Variants in KCTD16 observed in about 807,000 individuals in gnomAD.
KCTD16 encodes the protein BTB/POZ domain-containing protein KCTD16.
Under a neutral mutation model 33.2 loss-of-function variants are expected in KCTD16, and 13 were observed. That is an observed-to-expected ratio of 0.39 (90% CI 0.25 to 0.62). The LOEUF (loss-of-function observed/expected upper bound fraction) is 0.62. KCTD16 is among the 20% of genes least tolerant of loss of function. The pLI is 0.50. For missense variants in KCTD16, 441 were observed against 525.1 expected, an observed-to-expected ratio of 0.84 and a Z score of 1.57; for synonymous variants, 197 against 195.3, an observed-to-expected ratio of 1.01 and a Z score of -0.07.
At chr5:144,312,576 G>A (rs1404507808) in intron 3 of KCTD16, among the ~76,000 whole-genome samples, 1 of 152,204 alleles carries the variant, frequency 6.6e-6, no homozygotes, top group Non-Finnish European at 1.5e-5. Flanking sequence ...CTACAAGCAT[G>A]TGGTCTCAAA....
intron 2 of KCTD16, among the ~76,000 whole-genome samples, chr5:144,177,532 C>T (rs79710725): frequency 6.6e-6 from 1 of 152,204 alleles, no homozygotes; most frequent in Non-Finnish European, 1.5e-5. Context: ...TCTTTTGCAG[C>T]TTCTGGTGCT....
At chr5:144,371,152 T>C (rs1028258748) in intron 3 of KCTD16, among the ~76,000 whole-genome samples, 2 of 152,092 alleles carry the variant, frequency 1.3e-5, no homozygotes, top group Non-Finnish European at 1.5e-5. Context: ...TGGGTGGTTT[T>C]TGCCACCTGA....
At chr5:144,176,798 T>G (rs997706332) in intron 2 of KCTD16, among the ~76,000 whole-genome samples, 3 of 152,172 alleles carry the variant, frequency 2.0e-5, no homozygotes, top group South Asian at 2.1e-4. Flanking sequence ...TATATTATGG[T>G]TTAGGTTCTC....
At chr5:144,223,947 T>G (rs923775965) in intron 3 of KCTD16, among the ~76,000 whole-genome samples, 15 of 151,838 alleles carry the variant, frequency 9.9e-5, no homozygotes, top group Non-Finnish European at 2.1e-4. Context: ...GCGTAGGTGT[T>G]TTTTTTTAAA....
At chr5:144,206,030 G>C (rs1450098731) in intron 2 of KCTD16, 1 of 153,400 alleles carries the variant, frequency 6.5e-6, no homozygotes, top group Non-Finnish European at 1.4e-5. Flanking sequence ...TGGGTCTCCA[G>C]CACTCACTAA....
At chr5:144,184,918 G>A (rs911739521) in intron 2 of KCTD16, among the ~76,000 whole-genome samples, 6 of 152,164 alleles carry the variant, frequency 3.9e-5, no homozygotes, top group African/African-American at 1.4e-4. Flanking sequence ...AACATGGTAA[G>A]AGCCATTTCC....
At chr5:144,315,696 T>C (rs1383737197) in intron 3 of KCTD16, among the ~76,000 whole-genome samples, 1 of 152,164 alleles carries the variant, frequency 6.6e-6, no homozygotes, top group Non-Finnish European at 1.5e-5. Context: ...GATTAAGTTA[T>C]TTATGTAATG....
In KCTD16 at chr5:144,273,225, A is replaced by T. The variant is rs1475904885; in HGVS notation, c.832+65679A>T. On this transcript the variant is annotated intron_variant, in intron 3 of 3. Transcript: ENST00000512467. ...GTAAACACATGAAAATATGCTCAAC[A>T]TTCCTAATCACTAGGGAAATACAAA... Among the ~76,000 whole-genome samples, 4 of 152,188 alleles carry T rather than the reference A, an allele frequency of 2.6e-5. No individual in the cohort carries two copies. The East Asian group carries it at 7.7e-4, about 29-fold the overall frequency.
intron 3 of KCTD16, among the ~76,000 whole-genome samples, chr5:144,299,251 A>G (rs917285124): frequency 6.9e-6 from 1 of 145,070 alleles, no homozygotes; most frequent in Non-Finnish European, 1.5e-5. Context: ...AACCTCTTTC[A>G]TTTTCAACCT....
intron 3 of KCTD16, among the ~76,000 whole-genome samples, chr5:144,224,227 A>G (rs866385929): frequency 6.6e-5 from 10 of 152,252 alleles, no homozygotes; most frequent in African/African-American, 2.4e-4. Flanking sequence ...TTATAACAAC[A>G]AAAACAATTG....
intron 3 of KCTD16, among the ~76,000 whole-genome samples, chr5:144,342,460 T>G (rs962042675): frequency 6.6e-6 from 1 of 152,196 alleles, no homozygotes; most frequent in Non-Finnish European, 1.5e-5. Context: ...GCTTATCAGC[T>G]TAAGGAGATT....
chr5:144,187,981 A>G (rs892249534), intron 2 of KCTD16, among the ~76,000 whole-genome samples: 5 of 152,198 alleles, frequency 3.3e-5, no homozygotes, highest in African/African-American at 1.2e-4. Flanking sequence ...TCTAGTAGAC[A>G]GCACTCTTCT....
chr5:144,230,130 A>G (rs544232167), intron 3 of KCTD16, among the ~76,000 whole-genome samples: 1 of 152,280 alleles, frequency 6.6e-6, no homozygotes, highest in East Asian at 1.9e-4. Flanking sequence ...TGACAGAGCA[A>G]GACTCTGCTT....
At chr5:144,438,054 T>A (rs937804935) in intron 3 of KCTD16, among the ~76,000 whole-genome samples, 1 of 152,216 alleles carries the variant, frequency 6.6e-6, no homozygotes, top group South Asian at 2.1e-4. Context: ...ATTGATTACG[T>A]GTGAAATGAT....
intron 3 of KCTD16, among the ~76,000 whole-genome samples, chr5:144,292,942 G>A (rs1338754926): frequency 1.3e-5 from 2 of 152,210 alleles, no homozygotes; most frequent in Non-Finnish European, 2.9e-5. Context: ...AAGGACGCAT[G>A]TTGACCTCAA....
intron 3 of KCTD16, among the ~76,000 whole-genome samples, chr5:144,273,847 G>A (rs921404083): frequency 4.6e-5 from 7 of 151,938 alleles, no homozygotes; most frequent in African/African-American, 1.4e-4. Context: ...AAGAGTCATA[G>A]AGATGGATGG....
chr5:144,316,025 T>G, intron 3 of KCTD16, among the ~76,000 whole-genome samples: 1 of 151,424 alleles, frequency 6.6e-6, no homozygotes. Flanking sequence ...CTTTATGGAG[T>G]TTTTCTAAAA....
intron 3 of KCTD16, among the ~76,000 whole-genome samples, chr5:144,344,058 A>G (rs1096541): frequency 0.25 from 37,670 of 151,880 alleles, 4,830 homozygotes; most frequent in Non-Finnish European, 0.28. Context: ...AACACTGCCT[A>G]TCTACAACTA....
At chr5:144,323,840 A>C (rs952875295) in intron 3 of KCTD16, among the ~76,000 whole-genome samples, 2 of 152,174 alleles carry the variant, frequency 1.3e-5, no homozygotes, top group African/African-American at 4.8e-5. Context: ...TTAAAACCTT[A>C]GCTCTACTGC....
Sources: gnomAD v4.1 joint callset for allele counts (sites outside exome capture counted in the v4.1 genomes callset) on GRCh38, gnomAD v4.1.1 for gene constraint, MANE v1.5 for transcripts, NCBI Gene and HGNC (gene_info 2026-07-23, HGNC 2026-07-21) for gene names.